Variants in TGIF1 observed in about 807,000 individuals in gnomAD.
TGIF1 encodes the protein homeobox protein TGIF1.
Under a neutral mutation model 19.3 loss-of-function variants are expected in TGIF1, and 4 were observed. The observed-to-expected ratio is 0.21, with a 90% CI of 0.10 to 0.47. The LOEUF (loss-of-function observed/expected upper bound fraction) is 0.47, where lower values mean the gene tolerates loss of function less well. Among genes scored for constraint, TGIF1 ranks in the 20% least tolerant of loss-of-function variants. The pLI is 0.98. For synonymous variants in TGIF1, 122 were observed against 129.3 expected, an observed-to-expected ratio of 0.94 and a Z score of 0.38; for missense variants, 275 against 341.4, an observed-to-expected ratio of 0.81 and a Z score of 1.53.
rs2143405655 is a variant in TGIF1 at position 3,456,435 on chromosome 18, C to T, written c.98C>T (p.Ser33Leu). ...IPLDLSSSAG[S>L]GKRRRRGNLP... ...TTGGACCTTTCTTCATCCGCTGGCT[C>T]AGGCAAGAGAAGGAGAAGGGGCAAC... Residue 33 changes from serine (S) to leucine (L), a missense_variant, in exon 2 of 3, where the codon TCA (serine) becomes TTA (leucine). Coordinates refer to ENST00000343820, the MANE Select transcript of TGIF1 (RefSeq NM_003244.4). The surrounding 1 kb of genome is among the most constrained non-coding windows in gnomAD (Gnocchi z 4.2). The T allele has an allele frequency of 6.2e-7, 1 of 1,614,226 alleles. No individual in the cohort carries two copies. Among genetic ancestry groups the T allele is most frequent in the South Asian group, 1.1e-5 (1 of 91,084 alleles).
intron 2 of TGIF1, among the ~76,000 whole-genome samples, chr18:3,424,157 C>T (rs1351995733): frequency 1.3e-5 from 2 of 152,066 alleles, no homozygotes; most frequent in African/African-American, 4.8e-5. Flanking sequence ...AAGTACATAT[C>T]TCATTGTATT....
chr18:3,439,147 A>G (rs1427841791), intron 2 of TGIF1, among the ~76,000 whole-genome samples: 1 of 152,100 alleles, frequency 6.6e-6, no homozygotes, highest in East Asian at 1.9e-4. Flanking sequence ...CGAAGTGTGT[A>G]AGGGAGAAGG....
intron 2 of TGIF1, among the ~76,000 whole-genome samples, chr18:3,440,436 T>C (rs1436235929): frequency 1.3e-5 from 2 of 152,152 alleles, no homozygotes; most frequent in Admixed American, 6.5e-5. Flanking sequence ...GCCATTTGGG[T>C]TGGTAAATGG....
intron 2 of TGIF1, among the ~76,000 whole-genome samples, chr18:3,422,953 C>T (rs1036638104): frequency 8.5e-5 from 13 of 152,066 alleles, no homozygotes; most frequent in South Asian, 8.3e-4. Context: ...CCTCCCAAAG[C>T]GCTGGGATTG....
chr18:3,457,552 G>T lies in TGIF1; in HGVS notation c.431G>T (p.Cys144Phe). The T allele has an allele frequency of 6.2e-7, 1 of 1,614,166 alleles. No individual in the cohort carries two copies. The highest frequency in any genetic ancestry group is 2.2e-5 in the East Asian group (1 of 44,886). ...PALEETPFHS[C>F]TAGPNPTLGR... The stretch of plus-strand genomic sequence containing the variant: ...CTAGAGGAGACCCCATTTCATTCCT[G>T]TACAGCTGGGCCAAACCCAACCCTA... The change falls in exon 3 of 3, where the codon TGT becomes TTT. Residue 144 changes from cysteine (C) to phenylalanine (F), a missense_variant. Coordinates refer to ENST00000343820, the MANE Select transcript of TGIF1 (RefSeq NM_003244.4). The surrounding 1 kb of genome is among the most constrained non-coding windows in gnomAD (Gnocchi z 4.9).
At chr18:3,449,382 C>T (rs1294055840), upstream of TGIF1, 4 of 985,344 alleles carry the variant, frequency 4.1e-6, no homozygotes, top group Non-Finnish European at 4.8e-6. Flanking sequence ...CAGGCGCGCG[C>T]CCGGCCGTCC....
upstream of TGIF1, chr18:3,448,621 C>T (rs2082796999): frequency 4.1e-6 from 4 of 985,158 alleles, no homozygotes; most frequent in Non-Finnish European, 4.8e-6. Context: ...TAGAGAGACG[C>T]TTTTTTTCCC....
At chr18:3,412,520 C>T (rs193056687) in intron 1 of TGIF1, among the ~76,000 whole-genome samples, 1 of 152,306 alleles carries the variant, frequency 6.6e-6, no homozygotes, top group Admixed American at 6.5e-5. Context: ...AGGTGCGCTT[C>T]TAAACGAGCA....
At chr18:3,421,647 G>A (rs961970498) in intron 2 of TGIF1, among the ~76,000 whole-genome samples, 9 of 151,754 alleles carry the variant, frequency 5.9e-5, no homozygotes, top group African/African-American at 2.2e-4. Context: ...CCCGACCTCA[G>A]GTGATCCACC....
intron 2 of TGIF1, among the ~76,000 whole-genome samples, chr18:3,432,302 C>T (rs1043484166): frequency 4.1e-4 from 63 of 152,068 alleles, no homozygotes; most frequent in African/African-American, 1.3e-3. Flanking sequence ...AGGTCCTGAA[C>T]GACAAATACA....
At chr18:3,445,723 C>CAAAAA (rs141550400), upstream of TGIF1, among the ~76,000 whole-genome samples, 61 of 17,596 alleles carry the variant, frequency 3.5e-3, no homozygotes, top group Non-Finnish European at 4.0e-3. Flanking sequence ...GACTCTGTCT[C>CAAAAA]AAAAAAAAAA....
chr18:3,425,322 G>A (rs921697209), intron 2 of TGIF1, among the ~76,000 whole-genome samples: 1 of 152,186 alleles, frequency 6.6e-6, no homozygotes, highest in East Asian at 1.9e-4. Flanking sequence ...TATAGTTTAC[G>A]TGATGATAGC....
rs1363405715 is a variant in TGIF1, at chr18:3,458,828, T to G, written c.*888T>G. 1 of 152,210 alleles carries G rather than the reference T, an allele frequency of 6.6e-6. No individual in the cohort carries two copies. The highest frequency in any genetic ancestry group is 2.4e-5 in the African/African-American group (1 of 41,446). The allele number at this position is 152,210 out of a possible 1,614,324, so 9.4% of individuals were successfully genotyped here. A position where few individuals can be genotyped will look rare whatever the true frequency, so the allele number is the denominator to read the frequency against. On this transcript the variant is annotated 3_prime_UTR_variant, in exon 3 of 3. Coordinates refer to ENST00000343820, the MANE Select transcript of TGIF1 (RefSeq NM_003244.4). ...TCCACGTTACCCTTTAAAATAACCT[T>G]TGTTCAGTGGTACATTTAGTTAAGG...
chr18:3,435,423 C>T (rs1251765348), intron 2 of TGIF1, among the ~76,000 whole-genome samples: 1 of 152,124 alleles, frequency 6.6e-6, no homozygotes, highest in African/African-American at 2.4e-5. Context: ...GTCTCGAACT[C>T]CTGAGCTCAG....
chr18:3,447,739 T>C (rs1377354085), upstream of TGIF1: 4 of 1,614,196 alleles, frequency 2.5e-6, no homozygotes, highest in Middle Eastern at 1.6e-4. Flanking sequence ...ACCGTTTGGA[T>C]ATGACTTGCT....
At chr18:3,431,752 T>C (rs9948767) in intron 2 of TGIF1, among the ~76,000 whole-genome samples, 82,804 of 151,996 alleles carry the variant, frequency 0.54, 24,315 homozygotes, top group East Asian at 0.92. Flanking sequence ...TGACACCACC[T>C]TAACCAAGTC....
At chr18:3,440,356 A>G (rs1034667952) in intron 2 of TGIF1, among the ~76,000 whole-genome samples, 209 of 152,216 alleles carry the variant, frequency 1.4e-3, no homozygotes, top group Admixed American at 2.4e-3. Flanking sequence ...TTTCTCCAAA[A>G]AAAAAAAAAA....
intron 2 of TGIF1, among the ~76,000 whole-genome samples, chr18:3,432,144 A>AAAAAAAAAAAAAAAAG: frequency 7.2e-6 from 1 of 138,502 alleles, no homozygotes; most frequent in Admixed American, 7.3e-5. Flanking sequence ...AAAAAAAAAA[A>AAAAAAAAAAAAAAAAG]CACTAAGAAA....
At chr18:3,446,705 C>T (rs1447812391), upstream of TGIF1, among the ~76,000 whole-genome samples, 1 of 152,170 alleles carries the variant, frequency 6.6e-6, no homozygotes, top group African/African-American at 2.4e-5. Flanking sequence ...CTAGGCCACC[C>T]CAGGTTCTTA....
Sources: allele counts gnomAD v4.1 joint callset (sites outside exome capture counted in the v4.1 genomes callset), GRCh38; gene constraint gnomAD v4.1.1; non-coding constraint Gnocchi (gnomAD v3.1); transcripts MANE v1.5; gene names NCBI Gene and HGNC (gene_info 2026-07-23, HGNC 2026-07-21).